The following TFEB variants were observed in gnomAD, a reference collection of about 807,000 sequenced individuals.
The protein encoded by TFEB is transcription factor EB, also known as T-cell transcription factor EB.
Under a neutral mutation model 48.0 loss-of-function variants are expected in TFEB, and 12 were observed. The ratio of observed to expected loss-of-function variants is 0.25; its 90% CI spans 0.16 to 0.40. The LOEUF (loss-of-function observed/expected upper bound fraction) is 0.40. Among genes scored for constraint, TFEB ranks in the 10% least tolerant of loss-of-function variants. The pLI is 1.00. For synonymous variants in TFEB, 244 were observed against 261.4 expected, an observed-to-expected ratio of 0.93 and a Z score of 0.64; for missense variants, 509 against 640.3, an observed-to-expected ratio of 0.79 and a Z score of 2.21.
At chr6:41,722,015 G>A (rs139956855) in intron 1 of TFEB, among the ~76,000 whole-genome samples, 182 of 152,234 alleles carry the variant, frequency 1.2e-3, no homozygotes, top group African/African-American at 3.7e-3. Context: ...GTCTCCCTCC[G>A]TCGTTCAGGC....
chr6:41,689,396 A>C (rs1212451653), intron 4 of TFEB, among the ~76,000 whole-genome samples: 1 of 151,982 alleles, frequency 6.6e-6, no homozygotes. Flanking sequence ...TCCCATAGAC[A>C]CACTGCCCCT....
At chr6:41,693,077 A>C (rs1309341295) in intron 1 of TFEB, among the ~76,000 whole-genome samples, 3 of 152,338 alleles carry the variant, frequency 2.0e-5, no homozygotes, top group Admixed American at 2.0e-4. Context: ...ATGGATGGGC[A>C]CATGACTGGC....
rs772019309 is a variant in TFEB, at chr6:41,691,091, TTGC to T, written c.120_122del (p.Gln44del). ...TGGGCGGCCCTCCGAGCTGCTGCTG[TTGC>T]TGCTGCTGCTGCTGCTGCATGTAAT... On this transcript the variant is annotated inframe_deletion, in exon 2 of 9. Transcript: ENST00000373033. The surrounding 1 kb of genome is among the most constrained non-coding windows in gnomAD (Gnocchi z 5.2). 162 of 1,574,738 alleles carry T rather than the reference TTGC, an allele frequency of 1.0e-4. No individual in the cohort carries two copies. The highest frequency in any genetic ancestry group is 6.2e-4 in the South Asian group (54 of 86,922).
In TFEB at chr6:41,684,850, G is replaced by A. The variant is rs750988933; in HGVS notation, c.1180C>T (p.Leu394=). ...PTQPPSPFHH[L]DFSHSLSFGG... is the part of the protein sequence containing the mutation. ...AAGCTCAGGCTGTGGCTGAAGTCCA[G>A]GTGATGGAATGGGGATGGTGGCTGG... The change falls in exon 9 of 9, where the codon CTG becomes TTG. Residue 394 remains leucine, a synonymous_variant. Coordinates refer to ENST00000373033, the MANE Select transcript of TFEB (RefSeq NM_001271944.2). 1 of 1,580,018 alleles carries A rather than the reference G, an allele frequency of 6.3e-7. No homozygotes were observed. The highest frequency in any genetic ancestry group is 1.2e-5 in the South Asian group (1 of 86,280).
rs569684608 is a variant in TFEB, at chr6:41,713,433, G to A, written c.-23+21917C>T. Among the ~76,000 whole-genome samples the A allele has an allele frequency of 3.9e-5, 6 of 152,302 alleles. No homozygotes were observed. The South Asian group carries it at 1.2e-3, about 32-fold the overall frequency. On this transcript the variant is annotated intron_variant, in intron 1 of 8. Transcript: ENST00000373033. ...ACTGGGCCACTTCTTCTGGTGCAGG[G>A]ACCGTCTGGCCGCAGGATTCAGAGA... is the stretch of plus-strand genomic sequence containing the variant.
At position 41,730,918 on chromosome 6, in the gene TFEB, G is replaced by C. The variant is rs1229712693; in HGVS notation, c.-23+4432C>G. ...CCCCTGCACCGTCTTATTCAACAAG[G>C]AGAGGAGGCTGGTGTGGTGGGACAG... On this transcript the variant is annotated intron_variant, in intron 1 of 8. Coordinates refer to ENST00000373033, the MANE Select transcript of TFEB (RefSeq NM_001271944.2). The surrounding 1 kb of genome is among the most constrained non-coding windows in gnomAD (Gnocchi z 4.1). Among the ~76,000 whole-genome samples the C allele has an allele frequency of 2.0e-5, 3 of 152,176 alleles. No individual in the cohort carries two copies. The highest frequency in any genetic ancestry group is 7.2e-5 in the African/African-American group (3 of 41,442).
chr6:41,691,467 C>T lies in TFEB; in HGVS notation c.-22-232G>A. ...AAAACTGAAGGTTCTGTCTTCTTCA[C>T]TCATTGCAGTTGGTAAATCCCAAAC... On this transcript the variant is annotated intron_variant, in intron 1 of 8. Coordinates refer to ENST00000373033, the MANE Select transcript of TFEB (RefSeq NM_001271944.2). The surrounding 1 kb of genome is among the most constrained non-coding windows in gnomAD (Gnocchi z 5.2). The T allele has an allele frequency of 2.8e-6, 2 of 703,152 alleles. No homozygotes were observed. The highest frequency in any genetic ancestry group is 2.1e-5 in the Admixed American group (1 of 48,400). The allele number at this position is 703,152 out of a possible 1,614,324, so 43.6% of individuals were successfully genotyped here. A position where few individuals can be genotyped will look rare whatever the true frequency, so the allele number is the denominator to read the frequency against.
At position 41,734,854 on chromosome 6, in the gene TFEB, C is replaced by A. The variant is rs868501633; in HGVS notation, c.-23+496G>T. 3 of 976,592 alleles carry A rather than the reference C, an allele frequency of 3.1e-6. No homozygotes were observed. The highest frequency in any genetic ancestry group is 1.1e-4 in the East Asian group (1 of 8,728). 60.5% of individuals were successfully genotyped at this position (976,592 alleles called of 1,614,324 possible). On this transcript the variant is annotated intron_variant, in intron 1 of 8. Transcript: ENST00000373033. This position sits in a 1 kb window ranked among gnomAD's most constrained non-coding sequence, Gnocchi z 4.0. ...GTGGCGCCGCTCTGGCCCTCCCACTCCCCCCGCTGGCCTGGCCAGACTCAG... is the reference window on the plus strand; with the variant it reads ...GTGGCGCCGCTCTGGCCCTCCCACTACCCCCGCTGGCCTGGCCAGACTCAG...
intron 1 of TFEB, among the ~76,000 whole-genome samples, chr6:41,697,441 C>T (rs186268537): frequency 8.8e-6 from 1 of 113,752 alleles, no homozygotes; most frequent in East Asian, 2.6e-4. Flanking sequence ...TGAGGGCAGA[C>T]GTTAAATAGT....
chr6:41,711,043 T>C (rs755033588), intron 1 of TFEB, among the ~76,000 whole-genome samples: 3 of 152,246 alleles, frequency 2.0e-5, no homozygotes, highest in African/African-American at 2.4e-5. Context: ...ATTGTATTTC[T>C]TCTACCACTA....
rs1187588194 is a variant in TFEB at position 41,730,744 on chromosome 6, T to G, written c.-23+4606A>C. Among the ~76,000 whole-genome samples the G allele has an allele frequency of 6.6e-6, 1 of 152,176 alleles. No homozygotes were observed. Among genetic ancestry groups the G allele is most frequent in the African/African-American group, 2.4e-5 (1 of 41,452 alleles). Reference sequence around the variant, plus strand: ...CATCACAGCCAAGGGGATCTGTATCTCTGGTGCAGTGTGGAGGAGGGACAG... The same window carrying G: ...CATCACAGCCAAGGGGATCTGTATCGCTGGTGCAGTGTGGAGGAGGGACAG... On this transcript the variant is annotated intron_variant, in intron 1 of 8. Transcript: ENST00000373033. This position sits in a 1 kb window ranked among gnomAD's most constrained non-coding sequence, Gnocchi z 4.1.
intron 1 of TFEB, among the ~76,000 whole-genome samples, chr6:41,709,939 A>G (rs889220785): frequency 6.6e-6 from 1 of 151,986 alleles, no homozygotes; most frequent in Non-Finnish European, 1.5e-5. Context: ...AGTGTGTGCC[A>G]CTATGCCCCC....
chr6:41,691,091 T>TTGCTGATGCTGCTGC lies in TFEB; in HGVS notation c.122_123insGCAGCAGCATCAGCA (p.Gln43_Gln44insHisGlnGlnGlnGln). The TTGCTGATGCTGCTGC allele has an allele frequency of 6.3e-7, 1 of 1,577,164 alleles. No individual in the cohort carries two copies. The highest frequency in any genetic ancestry group is 8.6e-7 in the Non-Finnish European group (1 of 1,160,160). ...TGGGCGGCCCTCCGAGCTGCTGCTG[T>TTGCTGATGCTGCTGC]TGCTGCTGCTGCTGCTGCTGCATGT... On this transcript the variant is annotated inframe_insertion, in exon 2 of 9. Transcript: ENST00000373033. The surrounding 1 kb of genome is among the most constrained non-coding windows in gnomAD (Gnocchi z 5.2).
At chr6:41,689,060 A>C (rs915777433) in intron 4 of TFEB, among the ~76,000 whole-genome samples, 2 of 152,094 alleles carry the variant, frequency 1.3e-5, no homozygotes, top group Non-Finnish European at 2.9e-5. Flanking sequence ...TCTTCCCACA[A>C]TCCTGTGGGT....
Position 41,724,687 on chromosome 6 carries a change from C to G in TFEB, c.-23+10663G>C, listed in dbSNP as rs890912645. Reference sequence around the variant, plus strand: ...AACATGATAAATACCTCTTATCACCCCCACAACCTTGGACTCCCATCCAGC... The same window carrying G: ...AACATGATAAATACCTCTTATCACCGCCACAACCTTGGACTCCCATCCAGC... On this transcript the variant is annotated intron_variant, in intron 1 of 8. Coordinates refer to ENST00000373033, the MANE Select transcript of TFEB (RefSeq NM_001271944.2). The surrounding 1 kb of genome is among the most constrained non-coding windows in gnomAD (Gnocchi z 4.4). Among the ~76,000 whole-genome samples the G allele has an allele frequency of 1.2e-4, 18 of 152,302 alleles. No homozygotes were observed. Among genetic ancestry groups the G allele is most frequent in the Non-Finnish European group, 2.4e-4 (16 of 68,016 alleles).
chr6:41,721,849 C>T (rs1462242157), intron 1 of TFEB, among the ~76,000 whole-genome samples: 1 of 152,222 alleles, frequency 6.6e-6, no homozygotes, highest in Admixed American at 6.5e-5. Context: ...AAGCCAGATT[C>T]AGAACCACTG....
chr6:41,690,154 G>T (rs113690968), intron 3 of TFEB, among the ~76,000 whole-genome samples: 2 of 150,516 alleles, frequency 1.3e-5, no homozygotes, highest in African/African-American at 4.9e-5. Flanking sequence ...TTTTCGAGAA[G>T]GAGTCTCACT....
At chr6:41,704,446 A>G (rs75939414) in intron 1 of TFEB, among the ~76,000 whole-genome samples, 1 of 152,316 alleles carries the variant, frequency 6.6e-6, no homozygotes, top group East Asian at 1.9e-4. Flanking sequence ...GAAATATGTG[A>G]TGTGCCTAGC....
At chr6:41,712,506 C>T (rs994592261) in intron 1 of TFEB, among the ~76,000 whole-genome samples, 2 of 152,142 alleles carry the variant, frequency 1.3e-5, no homozygotes, top group Non-Finnish European at 2.9e-5. Flanking sequence ...GTTTCCTCCT[C>T]GGAGAACAGG....
Sources: gnomAD v4.1 joint callset for allele counts (sites outside exome capture counted in the v4.1 genomes callset) on GRCh38, gnomAD v4.1.1 for gene constraint, Gnocchi (gnomAD v3.1) non-coding constraint, MANE v1.5 for transcripts, NCBI Gene and HGNC (gene_info 2026-07-23, HGNC 2026-07-21) for gene names.